RAD54L2: variants seen among roughly 807,000 people sequenced by gnomAD.
RAD54L2 encodes helicase ARIP4.
In RAD54L2, 27 loss-of-function variants were observed where a neutral mutation model predicts 138.4. The observed-to-expected ratio is 0.20, with a 90% CI of 0.14 to 0.27. The LOEUF (loss-of-function observed/expected upper bound fraction) is 0.27, where lower values mean the gene tolerates loss of function less well. Ranked by LOEUF, RAD54L2 falls within the 10% of genes least tolerant of loss-of-function variation. The pLI is 1.00. For missense variants in RAD54L2, 1,396 were observed against 1,890.2 expected, an observed-to-expected ratio of 0.74 and a Z score of 4.85; for synonymous variants, 644 against 723.2, an observed-to-expected ratio of 0.89 and a Z score of 1.76.
chr3:51,615,938 A>G (rs1329322420), intron 3 of RAD54L2, among the ~76,000 whole-genome samples: 4 of 151,898 alleles, frequency 2.6e-5, no homozygotes, highest in Non-Finnish European at 4.4e-5. Flanking sequence ...TCTTCCTACT[A>G]CTTTTCTGGG....
chr3:51,547,666 C>T (rs2108687211), intron 2 of RAD54L2, among the ~76,000 whole-genome samples: 1 of 151,506 alleles, frequency 6.6e-6, no homozygotes, highest in East Asian at 2.0e-4. Context: ...ACTGCAGCTT[C>T]CACCTCCTGG....
At chr3:51,546,477 C>G (rs910305771) in intron 2 of RAD54L2, among the ~76,000 whole-genome samples, 2 of 150,498 alleles carry the variant, frequency 1.3e-5, no homozygotes, top group African/African-American at 2.4e-5. Context: ...CCCATCTCTA[C>G]TAAAAGTACA....
chr3:51,618,363 C>T (rs1043815011), intron 3 of RAD54L2, among the ~76,000 whole-genome samples: 2 of 151,896 alleles, frequency 1.3e-5, no homozygotes, highest in African/African-American at 4.8e-5. Context: ...TACATTTTAC[C>T]AGTTTTTTTC....
chr3:51,584,102 C>T (rs1699664033), intron 2 of RAD54L2, among the ~76,000 whole-genome samples: 1 of 152,062 alleles, frequency 6.6e-6, no homozygotes, highest in Non-Finnish European at 1.5e-5. Context: ...CTGACTTGCC[C>T]AAAGTCATTT....
chr3:51,615,270 C>G (rs1700420113), intron 3 of RAD54L2, among the ~76,000 whole-genome samples: 1 of 152,236 alleles, frequency 6.6e-6, no homozygotes, highest in Admixed American at 6.5e-5. Context: ...CCGCCTTGGC[C>G]TCCCAAAGGG....
chr3:51,649,412 G>A lies in RAD54L2; in HGVS notation c.3026+2931G>A, dbSNP rs373389019. Reference sequence around the variant, plus strand: ...AGGAGAACTTCCCCAACCTAGCAAGGCAGGCCAACATTCAAATTCAGGAAA... The same window carrying A: ...AGGAGAACTTCCCCAACCTAGCAAGACAGGCCAACATTCAAATTCAGGAAA... On this transcript the variant is annotated intron_variant, in intron 19 of 22. Transcript: ENST00000684192. Among the ~76,000 whole-genome samples, 8 of 152,204 alleles carry A rather than the reference G, an allele frequency of 5.3e-5. No individual in the cohort carries two copies. The East Asian group carries it at 9.7e-4, about 18-fold the overall frequency.
chr3:51,607,561 C>T (rs1700216109), intron 3 of RAD54L2, among the ~76,000 whole-genome samples: 1 of 152,216 alleles, frequency 6.6e-6, no homozygotes, highest in Non-Finnish European at 1.5e-5. Flanking sequence ...CACATTTCCC[C>T]CTTTTCTATT....
chr3:51,572,614 C>CA (rs1430209278), intron 2 of RAD54L2, among the ~76,000 whole-genome samples: 8 of 147,154 alleles, frequency 5.4e-5, no homozygotes, highest in Admixed American at 1.3e-4. Context: ...CAAGACGTCT[C>CA]AAAAAAAAGT....
chr3:51,606,689 T>C (rs551449765), intron 3 of RAD54L2, among the ~76,000 whole-genome samples: 1 of 152,104 alleles, frequency 6.6e-6, no homozygotes, highest in African/African-American at 2.4e-5. Context: ...TATGTATGTA[T>C]GTATTTATTT....
chr3:51,590,551 T>C lies in RAD54L2; in HGVS notation c.131T>C (p.Leu44Pro). The C allele has an allele frequency of 6.4e-7, 1 of 1,552,350 alleles. No individual in the cohort carries two copies. Among genetic ancestry groups the C allele is most frequent in the Non-Finnish European group, 8.7e-7 (1 of 1,147,146 alleles). ...TGTGACAGGGATGATGAAGAAGACC[T>C]GCTGGATGGTAAGTGGGCTCTATTG... ...EECDRDDEED[L>P]LDDPSLEGMC... Residue 44 changes from leucine (L) to proline (P), a missense_variant, in exon 3 of 23, where the codon CTG becomes CCG. This residue lies in a region of RAD54L2 where 256 missense variants were observed against 344.6 expected (regional missense o/e 0.74). Coordinates refer to ENST00000684192, the MANE Select transcript of RAD54L2 (RefSeq NM_015106.4).
chr3:51,657,472 T>C (rs1701631774), intron 20 of RAD54L2, 108 bp from the exon 21 acceptor site: 1 of 679,778 alleles, frequency 1.5e-6, no homozygotes, highest in African/African-American at 1.8e-5. Flanking sequence ...ACTGAGAGGC[T>C]GTAGGGAAAC....
chr3:51,618,083 G>A lies in RAD54L2; in HGVS notation c.140-9470G>A, dbSNP rs192525078. Among the ~76,000 whole-genome samples, 299 of 150,846 alleles carry A rather than the reference G, an allele frequency of 2.0e-3. 2 individuals carry two copies. Among genetic ancestry groups the A allele is most frequent in the African/African-American group, 5.9e-3 (244 of 41,092 alleles). ...AAGCAATTCTCTTGCCTCATCCTCC[G>A]GAGTAGCTGGGACTACAGGCACGTG... On this transcript the variant is annotated intron_variant, in intron 3 of 22. Coordinates refer to ENST00000684192, the MANE Select transcript of RAD54L2 (RefSeq NM_015106.4).
At position 51,645,619 on chromosome 3, in the gene RAD54L2, G is replaced by A. The variant is rs1406863118; in HGVS notation, c.2685G>A (p.Met895Ile). The A allele has an allele frequency of 6.2e-7, 1 of 1,612,320 alleles. No homozygotes were observed. Among genetic ancestry groups the A allele is most frequent in the African/African-American group, 1.3e-5 (1 of 74,904 alleles). ...GGGTGGTGGATGATCTAAATCCAAT[G>A]CTGAACTTCACACGGAAAGAGGTGG... ...SDRVVDDLNP[M>I]LNFTRKEVEN... Residue 895 changes from methionine to isoleucine, a missense_variant, in exon 18 of 23, where the codon ATG becomes ATA. By Grantham distance (10) the Met-to-Ile change is conservative. Coordinates refer to ENST00000684192, the MANE Select transcript of RAD54L2 (RefSeq NM_015106.4). This position sits in a 1 kb window ranked among gnomAD's most constrained non-coding sequence, Gnocchi z 6.1.
At chr3:51,569,987 T>G (rs1467804513) in intron 2 of RAD54L2, among the ~76,000 whole-genome samples, 2 of 151,708 alleles carry the variant, frequency 1.3e-5, no homozygotes, top group Admixed American at 1.3e-4. Flanking sequence ...CGTGCACCAC[T>G]ATGCCCAGCT....
At chr3:51,572,191 A>G (rs1220501953) in intron 2 of RAD54L2, among the ~76,000 whole-genome samples, 1 of 152,200 alleles carries the variant, frequency 6.6e-6, no homozygotes, top group Non-Finnish European at 1.5e-5. Context: ...GCTCACGCCA[A>G]TAATCTAAGC....
intron 21 of RAD54L2, 75 bp downstream of exon 21, chr3:51,657,744 T>A (rs546334368): frequency 9.8e-7 from 1 of 1,023,634 alleles, no homozygotes; most frequent in Non-Finnish European, 1.5e-6. Flanking sequence ...TAAATACATA[T>A]GACTTGAGCT....
chr3:51,645,662 G>A lies in RAD54L2; in HGVS notation c.2728G>A (p.Val910Ile), dbSNP rs979182022. The part of the protein sequence containing the change: ...RKEVENLLHF[V>I]EKEPAPQVSL... Reference sequence around the variant, plus strand: ...AGAGGTGGAAAACCTACTGCACTTTGTTGAGAAGGAGCCAGCTCCCCAAGT... The same window carrying A: ...AGAGGTGGAAAACCTACTGCACTTTATTGAGAAGGAGCCAGCTCCCCAAGT... Residue 910 changes from valine to isoleucine, a missense_variant, in exon 18 of 23, where the codon GTT becomes ATT. Coordinates refer to ENST00000684192, the MANE Select transcript of RAD54L2 (RefSeq NM_015106.4). This position sits in a 1 kb window ranked among gnomAD's most constrained non-coding sequence, Gnocchi z 6.1. The A allele has an allele frequency of 6.2e-7, 1 of 1,612,354 alleles. No individual in the cohort carries two copies. The highest frequency in any genetic ancestry group is 1.7e-5 in the Admixed American group (1 of 59,820).
At chr3:51,607,911 C>T (rs865811413) in intron 3 of RAD54L2, among the ~76,000 whole-genome samples, 17 of 144,762 alleles carry the variant, frequency 1.2e-4, no homozygotes, top group Middle Eastern at 4.1e-3. Context: ...CCGGACGGGG[C>T]GGCTGGCCGG....
chr3:51,590,563 A>G lies in RAD54L2; in HGVS notation c.139+4A>G. On this transcript the variant is annotated splice_donor_region_variant and intron_variant, in intron 3 of 22. Transcript: ENST00000684192. The stretch of plus-strand genomic sequence containing the variant: ...GATGAAGAAGACCTGCTGGATGGTA[A>G]GTGGGCTCTATTGAGTGACAGAAGT... 1 of 1,552,332 alleles carries G rather than the reference A, an allele frequency of 6.4e-7. No individual in the cohort carries two copies. Among genetic ancestry groups the G allele is most frequent in the Non-Finnish European group, 8.7e-7 (1 of 1,147,136 alleles).
Sources: gnomAD v4.1 joint callset for allele counts (sites outside exome capture counted in the v4.1 genomes callset) on GRCh38, gnomAD v4.1.1 for gene constraint, gnomAD v4.1.1 regional missense constraint, Gnocchi (gnomAD v3.1) non-coding constraint, MANE v1.5 for transcripts, NCBI Gene and HGNC (gene_info 2026-07-23, HGNC 2026-07-21) for gene names.